The following PLCG1 variants were observed in gnomAD, a reference collection of about 807,000 sequenced individuals.
The protein encoded by PLCG1 is 1-phosphatidylinositol 4,5-bisphosphate phosphodiesterase gamma-1.
PLCG1 carries 71 observed loss-of-function variants against 177.8 expected under a neutral mutation model. The ratio of observed to expected loss-of-function variants is 0.40; its 90% CI spans 0.33 to 0.49. The LOEUF (loss-of-function observed/expected upper bound fraction) is 0.49. PLCG1 is among the 20% of genes least tolerant of loss of function. The pLI is 0.72. For synonymous variants in PLCG1, 658 were observed against 647.9 expected, an observed-to-expected ratio of 1.02 and a Z score of -0.24; for missense variants, 1,281 against 1,709.0, an observed-to-expected ratio of 0.75 and a Z score of 4.42.
rs1309533539 is a variant in PLCG1, at chr20:41,162,438, C to T, written c.513-14C>T. 7 of 1,606,508 alleles carry T rather than the reference C, an allele frequency of 4.4e-6. No homozygotes were observed. Among genetic ancestry groups the T allele is most frequent in the African/African-American group, 4.0e-5 (3 of 74,672 alleles). On this transcript the variant is annotated splice_polypyrimidine_tract_variant and intron_variant, in intron 4 of 31. Coordinates refer to ENST00000685551, the MANE Select transcript of PLCG1 (RefSeq NM_002660.3). ...AGCTGGATGAGACCACTGGGGATGT[C>T]CCTGTTTTCTCAGTATATCAGCCAA...
rs2036016390 is a variant in PLCG1 at position 41,174,897 on chromosome 20, G to A, written c.*388G>A. 4.8e-6 allele frequency: 1 copy of A among 209,958 alleles called. No individual in the cohort carries two copies. Among genetic ancestry groups the A allele is most frequent in the Non-Finnish European group, 9.6e-6 (1 of 103,848 alleles). 13.0% of individuals were successfully genotyped at this position (209,958 alleles called of 1,614,324 possible). A position where few individuals can be genotyped will look rare whatever the true frequency, so the allele number is the denominator to read the frequency against. Reference sequence around the variant, plus strand: ...TGACATTCCTAAGAGTGGAGGAGGAGGAGGAGCCTTGCTGGGCCAGGGAAA... The same window carrying A: ...TGACATTCCTAAGAGTGGAGGAGGAAGAGGAGCCTTGCTGGGCCAGGGAAA... On this transcript the variant is annotated 3_prime_UTR_variant, in exon 32 of 32. Coordinates refer to ENST00000685551, the MANE Select transcript of PLCG1 (RefSeq NM_002660.3). This position sits in a 1 kb window ranked among gnomAD's most constrained non-coding sequence, Gnocchi z 5.8.
chr20:41,158,795 G>C (rs1243375194), intron 1 of PLCG1, among the ~76,000 whole-genome samples: 2 of 152,190 alleles, frequency 1.3e-5, no homozygotes, highest in African/African-American at 4.8e-5. Context: ...CTACCACCCT[G>C]CCTTCTAGAG....
rs564480851 is a variant in PLCG1 at position 41,149,735 on chromosome 20, G to A, written c.218-9871G>A. ...ACCGGAAGAGAGGACCTTGACCTGA[G>A]CCTTGACCAAGGCCATTGCTAAATG... On this transcript the variant is annotated intron_variant, in intron 1 of 31. Coordinates refer to ENST00000685551, the MANE Select transcript of PLCG1 (RefSeq NM_002660.3). 3.1e-4 allele frequency among the ~76,000 whole-genome samples: 47 copies of A among 152,308 alleles called. No homozygotes were observed. In the South Asian group the frequency reaches 6.0e-3, roughly 19 times the overall value.
rs1239186963 is a variant in PLCG1 at position 41,157,537 on chromosome 20, T to G, written c.218-2069T>G. ...CCTTCTGCCTGTGTACCTGCCTTTT[T>G]CATTTCTTCAGTCATTAAGCAAGCC... On this transcript the variant is annotated intron_variant, in intron 1 of 31. Coordinates refer to ENST00000685551, the MANE Select transcript of PLCG1 (RefSeq NM_002660.3). The surrounding 1 kb of genome is among the most constrained non-coding windows in gnomAD (Gnocchi z 5.4). Among the ~76,000 whole-genome samples, 1 of 152,212 alleles carries G rather than the reference T, an allele frequency of 6.6e-6. No individual in the cohort carries two copies. Among genetic ancestry groups the G allele is most frequent in the Non-Finnish European group, 1.5e-5 (1 of 68,034 alleles).
At chr20:41,169,751 C>T in intron 23 of PLCG1, 1 of 580,846 alleles carries the variant, frequency 1.7e-6, no homozygotes, top group Admixed American at 3.1e-5. Context: ...GGGAACCCGT[C>T]AGAATCAGCA....
At position 41,165,832 on chromosome 20, in the gene PLCG1, A is replaced by G; in HGVS notation, c.1799+6A>G. On this transcript the variant is annotated splice_donor_region_variant and intron_variant, in intron 16 of 31. Transcript: ENST00000685551. The surrounding 1 kb of genome is among the most constrained non-coding windows in gnomAD (Gnocchi z 6.6). ...GACTACACGCTCTCTTTCTGGTAACACTTCCCATGCAGATGCGTATGTTCA... is the reference window on the plus strand; with the variant it reads ...GACTACACGCTCTCTTTCTGGTAACGCTTCCCATGCAGATGCGTATGTTCA... 1 of 1,571,066 alleles carries G rather than the reference A, an allele frequency of 6.4e-7. No homozygotes were observed. The highest frequency in any genetic ancestry group is 8.7e-7 in the Non-Finnish European group (1 of 1,154,514).
In PLCG1 at chr20:41,165,155, G is replaced by T; in HGVS notation, c.1386+54G>T. 1 of 1,603,590 alleles carries T rather than the reference G, an allele frequency of 6.2e-7. No homozygotes were observed. The highest frequency in any genetic ancestry group is 8.5e-7 in the Non-Finnish European group (1 of 1,173,570). ...CCACACTTCTCAGTGCCTTGCCCAG[G>T]CCATGGCTTCAGCTGTTGGGCCTAA... On this transcript the variant is annotated intron_variant, in intron 13 of 31. Transcript: ENST00000685551. This position sits in a 1 kb window ranked among gnomAD's most constrained non-coding sequence, Gnocchi z 6.6.
chr20:41,147,295 T>C lies in PLCG1; in HGVS notation c.217+9437T>C, dbSNP rs1200310574. Among the ~76,000 whole-genome samples, 4 of 152,200 alleles carry C rather than the reference T, an allele frequency of 2.6e-5. No individual in the cohort carries two copies. Among genetic ancestry groups the C allele is most frequent in the African/African-American group, 9.6e-5 (4 of 41,454 alleles). ...TTGTTAAGGATTTTGCTGAGGGCCTTTTGAGGCCAGCAGTGAAACACAGAG... is the reference window on the plus strand; with the variant it reads ...TTGTTAAGGATTTTGCTGAGGGCCTCTTGAGGCCAGCAGTGAAACACAGAG... On this transcript the variant is annotated intron_variant, in intron 1 of 31. Transcript: ENST00000685551. This position sits in a 1 kb window ranked among gnomAD's most constrained non-coding sequence, Gnocchi z 4.0.
chr20:41,166,492 C>G lies in PLCG1; in HGVS notation c.2017C>G (p.Leu673Val), dbSNP rs372427036. ...TGTTCTCAGGTGGTACCACGCGAGC[C>G]TGACCAGAGCACAGGCTGAGCACAT... ...HESKEWYHAS[L>V]TRAQAEHMLM... Residue 673 changes from leucine to valine, a missense_variant, in exon 18 of 32, where the codon CTG (leucine) becomes GTG (valine). Around this residue, in one of 4 missense-constraint regions of PLCG1, gnomAD observed 723 missense variants for 1,030.0 expected, o/e 0.70. Transcript: ENST00000685551. The surrounding 1 kb of genome is among the most constrained non-coding windows in gnomAD (Gnocchi z 8.6). 160 of 1,613,954 alleles carry G rather than the reference C, an allele frequency of 9.9e-5. No individual in the cohort carries two copies. The highest frequency in any genetic ancestry group is 1.3e-4 in the Non-Finnish European group (155 of 1,180,042).
At position 41,157,464 on chromosome 20, in the gene PLCG1, C is replaced by G. The variant is rs894618134; in HGVS notation, c.218-2142C>G. On this transcript the variant is annotated intron_variant, in intron 1 of 31. Coordinates refer to ENST00000685551, the MANE Select transcript of PLCG1 (RefSeq NM_002660.3). The surrounding 1 kb of genome is among the most constrained non-coding windows in gnomAD (Gnocchi z 5.4). ...AGTTCTCCCTGCCCCTGTTTCTACC[C>G]GAGTATAACTGTTCATTTTTGTTCC... Among the ~76,000 whole-genome samples the G allele has an allele frequency of 6.6e-6, 1 of 152,122 alleles. No homozygotes were observed. Among genetic ancestry groups the G allele is most frequent in the Non-Finnish European group, 1.5e-5 (1 of 68,020 alleles).
chr20:41,159,716 C>G lies in PLCG1; in HGVS notation c.328C>G (p.Leu110Val). Reference sequence around the variant, plus strand: ...GGACCAGTCACATTGCTTTGTCATTCTCTATGGAATGGAATTTCGCCTGAA... The same window carrying G: ...GGACCAGTCACATTGCTTTGTCATTGTCTATGGAATGGAATTTCGCCTGAA... ...RPDQSHCFVI[L>V]YGMEFRLKTL... Residue 110 changes from leucine (L) to valine (V), a missense_variant, in exon 2 of 32, where the codon CTC becomes GTC. Physicochemically the swap from Leu to Val is conservative, Grantham distance 32 (BLOSUM62 1). This residue lies in a region of PLCG1 where 374 missense variants were observed against 443.8 expected (regional missense o/e 0.84). Coordinates refer to ENST00000685551, the MANE Select transcript of PLCG1 (RefSeq NM_002660.3). The surrounding 1 kb of genome is among the most constrained non-coding windows in gnomAD (Gnocchi z 6.0). 2 of 1,614,198 alleles carry G rather than the reference C, an allele frequency of 1.2e-6. No individual in the cohort carries two copies. Among genetic ancestry groups the G allele is most frequent in the Non-Finnish European group, 1.7e-6 (2 of 1,180,044 alleles).
intron 1 of PLCG1, among the ~76,000 whole-genome samples, chr20:41,138,827 T>C (rs2034710300): frequency 6.6e-6 from 1 of 152,042 alleles, no homozygotes; most frequent in Non-Finnish European, 1.5e-5. Flanking sequence ...AAACCCCAGA[T>C]CTTTGAGAGT....
Position 41,167,985 on chromosome 20 carries a change from G to A in PLCG1, c.2379+56G>A. On this transcript the variant is annotated intron_variant, in intron 20 of 31. Transcript: ENST00000685551. This position sits in a 1 kb window ranked among gnomAD's most constrained non-coding sequence, Gnocchi z 4.4. ...TGGGGAGGGTCCCCAGCTGCTTGGGGCTTCATTTCTGTGTTCTGGGCCATC... is the reference window on the plus strand; with the variant it reads ...TGGGGAGGGTCCCCAGCTGCTTGGGACTTCATTTCTGTGTTCTGGGCCATC... 8.4e-7 allele frequency: 1 copy of A among 1,197,082 alleles called. No individual in the cohort carries two copies. The highest frequency in any genetic ancestry group is 1.5e-5 in the African/African-American group (1 of 67,080). The allele number at this position is 1,197,082 out of a possible 1,614,324, so 74.2% of individuals were successfully genotyped here. A position where few individuals can be genotyped will look rare whatever the true frequency, so the allele number is the denominator to read the frequency against.
rs1381931783 is a variant in PLCG1, at chr20:41,174,415, T to C, written c.3834-52T>C. The C allele has an allele frequency of 5.0e-6, 8 of 1,594,318 alleles. No individual in the cohort carries two copies. The highest frequency in any genetic ancestry group is 4.0e-5 in the African/African-American group (3 of 74,556). On this transcript the variant is annotated intron_variant, in intron 31 of 31. Coordinates refer to ENST00000685551, the MANE Select transcript of PLCG1 (RefSeq NM_002660.3). This position sits in a 1 kb window ranked among gnomAD's most constrained non-coding sequence, Gnocchi z 5.8. ...AGAAAAGTTGTAATATTGTCTGGCA[T>C]TGGGCTGCAAGGCCCTGCCTGCCAG... is the stretch of plus-strand genomic sequence containing the variant.
In PLCG1 at chr20:41,144,239, C is replaced by A. The variant is rs1388129671; in HGVS notation, c.217+6381C>A. ...GTAAGGTCACATAGCAAGTTCATGG[C>A]AGATCCTAGGATTTCAGATTCCTGC... On this transcript the variant is annotated intron_variant, in intron 1 of 31. Transcript: ENST00000685551. The surrounding 1 kb of genome is among the most constrained non-coding windows in gnomAD (Gnocchi z 4.1). 6.6e-6 allele frequency among the ~76,000 whole-genome samples: 1 copy of A among 152,206 alleles called. No individual in the cohort carries two copies. Among genetic ancestry groups the A allele is most frequent in the Non-Finnish European group, 1.5e-5 (1 of 68,036 alleles).
Position 41,165,086 on chromosome 20 carries a change from G to A in PLCG1, c.1371G>A (p.Arg457=). ...DGLPSPNQLK[R]KILIKHKKLA... is the part of the protein sequence containing the mutation. ...TCCCCTCACCCAACCAGCTTAAGAG[G>A]AAGATCCTCATCAAGGTGGGGTGGC... The change falls in exon 13 of 32, where the codon AGG becomes AGA. Residue 457 remains arginine (R), a synonymous_variant. Coordinates refer to ENST00000685551, the MANE Select transcript of PLCG1 (RefSeq NM_002660.3). This position sits in a 1 kb window ranked among gnomAD's most constrained non-coding sequence, Gnocchi z 6.6. 6.2e-7 allele frequency: 1 copy of A among 1,613,160 alleles called. No individual in the cohort carries two copies. The highest frequency in any genetic ancestry group is 8.5e-7 in the Non-Finnish European group (1 of 1,179,388).
chr20:41,173,623 C>T lies in PLCG1; in HGVS notation c.3395-29C>T, dbSNP rs1162527566. On this transcript the variant is annotated intron_variant, in intron 28 of 31. Coordinates refer to ENST00000685551, the MANE Select transcript of PLCG1 (RefSeq NM_002660.3). This position sits in a 1 kb window ranked among gnomAD's most constrained non-coding sequence, Gnocchi z 6.2. ...GTCATCCCATCCTCTCCCACGGTGA[C>T]CTGAAGCCTTTTGTCGTTGCCTTCA... 21 of 1,614,116 alleles carry T rather than the reference C, an allele frequency of 1.3e-5. No homozygotes were observed. The highest frequency in any genetic ancestry group is 1.7e-5 in the Non-Finnish European group (20 of 1,180,000).
At chr20:41,143,048 T>A (rs960014560) in intron 1 of PLCG1, among the ~76,000 whole-genome samples, 4 of 152,216 alleles carry the variant, frequency 2.6e-5, no homozygotes, top group Non-Finnish European at 4.4e-5. Flanking sequence ...TCTTTCCCAC[T>A]GCTGGTTTTG....
Position 41,157,240 on chromosome 20 carries a change from G to GTGTT in PLCG1, c.218-2365_218-2364insGTTT, listed in dbSNP as rs1491401219. 6.9e-6 allele frequency among the ~76,000 whole-genome samples: 1 copy of GTGTT among 145,934 alleles called. No homozygotes were observed. Among genetic ancestry groups the GTGTT allele is most frequent in the Non-Finnish European group, 1.5e-5 (1 of 65,450 alleles). On this transcript the variant is annotated intron_variant, in intron 1 of 31. Coordinates refer to ENST00000685551, the MANE Select transcript of PLCG1 (RefSeq NM_002660.3). This position sits in a 1 kb window ranked among gnomAD's most constrained non-coding sequence, Gnocchi z 5.4. Reference sequence around the variant, plus strand: ...TGTGTGTGTGTGTGTGTGTGTGTGTGTACAGTCACACTCACCTTTGCAAGA... The same window carrying GTGTT: ...TGTGTGTGTGTGTGTGTGTGTGTGTGTGTTTACAGTCACACTCACCTTTGCAAGA...
Sources: allele counts gnomAD v4.1 joint callset (sites outside exome capture counted in the v4.1 genomes callset), GRCh38; gene constraint gnomAD v4.1.1; regional missense constraint gnomAD v4.1.1; non-coding constraint Gnocchi (gnomAD v3.1); transcripts MANE v1.5; gene names NCBI Gene and HGNC (gene_info 2026-07-23, HGNC 2026-07-21).